Variants in SCOC observed in about 807,000 individuals in gnomAD.
SCOC encodes short coiled-coil protein.
SCOC carries 7 observed loss-of-function variants against 9.9 expected under a neutral mutation model. That is an observed-to-expected ratio of 0.71 (90% CI 0.40 to 1.33). SCOC has a LOEUF of 1.33. Ranked by LOEUF, SCOC falls within the 40% of genes most tolerant of loss-of-function variation. The pLI, the probability that SCOC is intolerant of heterozygous loss-of-function variation, is 0.01. For synonymous variants in SCOC, 19 were observed against 28.2 expected (o/e 0.67, Z 1.03); for missense variants, 66 against 89.7 (o/e 0.74, Z 1.07).
upstream of SCOC, among the ~76,000 whole-genome samples, chr4:140,339,903 G>A (rs1182581499): frequency 6.6e-6 from 1 of 152,162 alleles, no homozygotes; most frequent in African/African-American, 2.4e-5. Context: ...CGATTCCTCA[G>A]GGATCTAGAA....
intron 1 of SCOC, among the ~76,000 whole-genome samples, chr4:140,317,155 AT>A (rs1732345797): frequency 1.3e-5 from 2 of 152,182 alleles, no homozygotes; most frequent in South Asian, 4.1e-4. Context: ...CTCTTGTAAG[AT>A]GGCTTAGGGG....
intron 1 of SCOC, among the ~76,000 whole-genome samples, chr4:140,319,744 A>T (rs1200185335): frequency 6.6e-6 from 1 of 152,062 alleles, no homozygotes; most frequent in Non-Finnish European, 1.5e-5. Flanking sequence ...TACTTCTCCC[A>T]TTCTAACAAT....
At chr4:140,306,811 C>G (rs1228115649) in intron 1 of SCOC, among the ~76,000 whole-genome samples, 1 of 152,106 alleles carries the variant, frequency 6.6e-6, no homozygotes, top group Non-Finnish European at 1.5e-5. Context: ...TCGACATTCC[C>G]TTGCACAGTA....
At chr4:140,370,058 T>C (rs1211834874), upstream of SCOC, among the ~76,000 whole-genome samples, 3 of 152,168 alleles carry the variant, frequency 2.0e-5, no homozygotes, top group East Asian at 5.8e-4. Context: ...GCTGCCTTTT[T>C]ATGTTTACAT....
chr4:140,356,079 A>C (rs933268426), intron 2 of SCOC, among the ~76,000 whole-genome samples: 4 of 152,202 alleles, frequency 2.6e-5, no homozygotes, highest in Non-Finnish European at 5.9e-5. Flanking sequence ...TAAAATGGAG[A>C]AAGTGGCAAA....
In SCOC at chr4:140,328,153, A is replaced by G. The variant is rs994035534; in HGVS notation, c.-18-15468A>G. 2.4e-4 allele frequency among the ~76,000 whole-genome samples: 36 copies of G among 152,216 alleles called. 1 individual carries two copies. The highest frequency in any genetic ancestry group is 2.8e-4 in the Non-Finnish European group (19 of 68,040). On this transcript the variant is annotated intron_variant, in intron 1 of 4. Transcript: ENST00000394205. ...AAGCTTAGCACACAGGACATGCTCT[A>G]TCATGTTAGCTCTTCTTACTGACAC...
At chr4:140,295,951 AG>A (rs1731621985) in intron 1 of SCOC, among the ~76,000 whole-genome samples, 6 of 149,232 alleles carry the variant, frequency 4.0e-5, no homozygotes, top group African/African-American at 1.2e-4. Flanking sequence ...AAAAAAAGAA[AG>A]AAAGAAAAAA....
At chr4:140,279,785 TTTTTTCTCTCTCTCA>T (rs1731059716) in intron 1 of SCOC, among the ~76,000 whole-genome samples, 1 of 152,112 alleles carries the variant, frequency 6.6e-6, no homozygotes, top group Admixed American at 6.6e-5. Flanking sequence ...GAACTTATAT[TTTTTTCTCTCTCTCA>T]TTTTTCTCTC....
chr4:140,261,911 G>A (rs2126388075), intron 1 of SCOC, among the ~76,000 whole-genome samples: 1 of 152,308 alleles, frequency 6.6e-6, no homozygotes, highest in Middle Eastern at 3.4e-3. Context: ...GGTGTCATAT[G>A]AAGCAGGACT....
Position 140,357,961 on chromosome 4 carries a change from C to T in SCOC, c.70+14253C>T, listed in dbSNP as rs564202942. Among the ~76,000 whole-genome samples the T allele has an allele frequency of 3.5e-4, 54 of 152,280 alleles. 1 individual carries two copies. The South Asian group carries it at 0.011, about 31-fold the overall frequency. ...CCTCTGATCCTCTCTTGAGTGCTTT[C>T]TGTGGTGTATGTCTCCTTTCCATTG... On this transcript the variant is annotated intron_variant, in intron 2 of 4. Transcript: ENST00000338517.
intron 1 of SCOC, among the ~76,000 whole-genome samples, chr4:140,278,351 GTGCAGTGGCGCAATCTTGGCTCAC>G (rs1731029931): frequency 6.6e-6 from 1 of 151,390 alleles, no homozygotes; most frequent in African/African-American, 2.4e-5. Flanking sequence ...CCAGGCTGAA[GTGCAGTGGCGCAATCTTGGCTCAC>G]TGCGAGCTCG....
chr4:140,379,434 C>T (rs780645952), intron 2 of SCOC, 135 bp from the exon 3 acceptor site: 145 of 744,462 alleles, frequency 1.9e-4, no homozygotes, highest in Non-Finnish European at 3.0e-4. Flanking sequence ...TTTGGGGATA[C>T]AAAATTTTAT....
At chr4:140,268,461 A>T (rs1394201486) in intron 1 of SCOC, among the ~76,000 whole-genome samples, 3 of 152,234 alleles carry the variant, frequency 2.0e-5, no homozygotes, top group Admixed American at 2.0e-4. Context: ...AAAGCATAAC[A>T]TTATAATGTC....
In SCOC at chr4:140,378,624, CT is replaced by C. The variant is rs1728442423; in HGVS notation, c.-50-494del. On this transcript the variant is annotated intron_variant, in intron 1 of 3. Transcript: ENST00000608372. ...AAAATCACAACTGTAATTTACCAGA[CT>C]TTGAGTGGGCAGTTATGTTGTTTCT... Among the ~76,000 whole-genome samples the C allele has an allele frequency of 2.0e-5, 3 of 151,964 alleles. No individual in the cohort carries two copies. The South Asian group carries it at 6.2e-4, about 31-fold the overall frequency.
intron 2 of SCOC, among the ~76,000 whole-genome samples, chr4:140,346,791 AC>A (rs149225723): frequency 0.013 from 1,999 of 152,286 alleles, 45 homozygotes; most frequent in African/African-American, 0.046. Context: ...ATGCCATCTA[AC>A]CACATGGCTC....
chr4:140,292,326 C>T (rs1021698333), intron 1 of SCOC, among the ~76,000 whole-genome samples: 4 of 151,860 alleles, frequency 2.6e-5, no homozygotes, highest in Non-Finnish European at 4.4e-5. Context: ...GTTGCTGGGG[C>T]TACAGGTGCG....
upstream of SCOC, among the ~76,000 whole-genome samples, chr4:140,338,949 C>A (rs1726385154): frequency 6.6e-6 from 1 of 152,210 alleles, no homozygotes. Context: ...GAAAAAACTA[C>A]TTTAAAGTTC....
intron 1 of SCOC, among the ~76,000 whole-genome samples, chr4:140,318,940 C>T (rs992072251): frequency 1.3e-5 from 2 of 152,192 alleles, no homozygotes; most frequent in Non-Finnish European, 2.9e-5. Flanking sequence ...TTCATCTCCA[C>T]TTCTGGTGCA....
At chr4:140,370,619 C>T (rs1214969668), upstream of SCOC, among the ~76,000 whole-genome samples, 4 of 152,158 alleles carry the variant, frequency 2.6e-5, no homozygotes, top group Non-Finnish European at 4.4e-5. Context: ...AGTTGTTTTA[C>T]AAATTGCAGA....
Sources: allele counts gnomAD v4.1 joint callset (sites outside exome capture counted in the v4.1 genomes callset), GRCh38; gene constraint gnomAD v4.1.1; transcripts MANE v1.5; gene names NCBI Gene and HGNC (gene_info 2026-07-23, HGNC 2026-07-21).